The following AKT3 variants were observed in gnomAD, a reference collection of about 807,000 sequenced individuals.
The protein encoded by AKT3 is RAC-gamma serine/threonine-protein kinase.
AKT3 carries 15 observed loss-of-function variants against 65.3 expected under a neutral mutation model. That is an observed-to-expected ratio of 0.23 (90% CI 0.15 to 0.35). The LOEUF (loss-of-function observed/expected upper bound fraction) is 0.35. Ranked by LOEUF, AKT3 falls within the 10% of genes least tolerant of loss-of-function variation. The pLI is 1.00. For synonymous variants in AKT3, 206 were observed against 183.8 expected (o/e 1.12, Z -0.98); for missense variants, 243 against 576.5 (o/e 0.42, Z 5.92).
intron 13 of AKT3, among the ~76,000 whole-genome samples, chr1:243,489,704 C>A (rs1362732928): frequency 6.6e-6 from 1 of 152,182 alleles, no homozygotes; most frequent in Non-Finnish European, 1.5e-5. Context: ...GCAGGCGATG[C>A]TGACTTTATT....
intron 2 of AKT3, among the ~76,000 whole-genome samples, chr1:243,704,339 G>A (rs939151355): frequency 1.3e-5 from 2 of 152,034 alleles, no homozygotes; most frequent in African/African-American, 4.8e-5. Context: ...AGCCCTCATG[G>A]AGCTTTAATA....
chr1:243,539,665 G>A (rs896936767), intron 12 of AKT3, among the ~76,000 whole-genome samples: 2 of 152,114 alleles, frequency 1.3e-5, no homozygotes, highest in African/African-American at 2.4e-5. Context: ...AGAGAATTAA[G>A]CTAGGAATCA....
In AKT3 at chr1:243,505,162, A is replaced by C. The variant is rs1669585275; in HGVS notation, c.*87T>G. ...TGGGATGTCGGAAGGTGCCCCTGCT[A>C]TGTGTAAGAGCTAGGACTGGTGATG... On this transcript the variant is annotated 3_prime_UTR_variant, in exon 14 of 14. Coordinates refer to ENST00000673466, the MANE Select transcript of AKT3 (RefSeq NM_005465.7). 7.9e-7 allele frequency: 1 copy of C among 1,260,410 alleles called. No individual in the cohort carries two copies. Among genetic ancestry groups the C allele is most frequent in the Non-Finnish European group, 1.1e-6 (1 of 873,464 alleles). The allele number at this position is 1,260,410 out of a possible 1,614,324, so 78.1% of individuals were successfully genotyped here. A position where few individuals can be genotyped will look rare whatever the true frequency, so the allele number is the denominator to read the frequency against.
chr1:243,554,514 TA>T (rs1303733489), intron 10 of AKT3, among the ~76,000 whole-genome samples: 2 of 152,164 alleles, frequency 1.3e-5, no homozygotes, highest in Non-Finnish European at 2.9e-5. Flanking sequence ...AAAAATAACC[TA>T]AAAAAGCAGA....
At chr1:243,633,497 T>C (rs1180111612) in intron 6 of AKT3, among the ~76,000 whole-genome samples, 1 of 152,070 alleles carries the variant, frequency 6.6e-6, no homozygotes, top group Non-Finnish European at 1.5e-5. Context: ...ACACCAACAA[T>C]TGAAAGGAGT....
intron 2 of AKT3, among the ~76,000 whole-genome samples, chr1:243,795,006 T>C (rs550224889): frequency 2.6e-5 from 4 of 152,358 alleles, no homozygotes; most frequent in Non-Finnish European, 4.4e-5. Context: ...TTCACTATCA[T>C]TTAAGTGGGG....
At chr1:243,795,934 G>A (rs1001675227) in intron 2 of AKT3, among the ~76,000 whole-genome samples, 2 of 152,148 alleles carry the variant, frequency 1.3e-5, no homozygotes, top group African/African-American at 4.8e-5. Flanking sequence ...GAAAATCGTA[G>A]GGGTCCACCT....
intron 5 of AKT3, among the ~76,000 whole-genome samples, chr1:243,640,919 G>A (rs1162221791): frequency 6.6e-6 from 1 of 152,146 alleles, no homozygotes; most frequent in Admixed American, 6.5e-5. Context: ...GATCCTGGGT[G>A]TATCTGTGAG....
At chr1:243,650,537 T>A (rs1302583351) in intron 4 of AKT3, among the ~76,000 whole-genome samples, 1 of 152,224 alleles carries the variant, frequency 6.6e-6, no homozygotes, top group Non-Finnish European at 1.5e-5. Flanking sequence ...TTTATGGTTT[T>A]AGGTCTTACA....
At chr1:243,804,964 A>G (rs141730463) in intron 2 of AKT3, among the ~76,000 whole-genome samples, 5 of 152,094 alleles carry the variant, frequency 3.3e-5, no homozygotes, top group African/African-American at 9.7e-5. Flanking sequence ...TTTTGTTTGT[A>G]TTAACATTTT....
At chr1:243,662,280 A>C (rs1682414991) in intron 4 of AKT3, among the ~76,000 whole-genome samples, 1 of 152,100 alleles carries the variant, frequency 6.6e-6, no homozygotes, top group Non-Finnish European at 1.5e-5. Flanking sequence ...GGCACTATTC[A>C]CAATAGCAAA....
chr1:243,545,219 A>G (rs1378468022), intron 12 of AKT3, among the ~76,000 whole-genome samples: 1 of 152,190 alleles, frequency 6.6e-6, no homozygotes, highest in Admixed American at 6.6e-5. Flanking sequence ...AGAAAAATTA[A>G]CACTTGGTAT....
intron 2 of AKT3, among the ~76,000 whole-genome samples, chr1:243,715,449 C>T (rs975902716): frequency 2.0e-5 from 3 of 151,950 alleles, no homozygotes; most frequent in Non-Finnish European, 2.9e-5. Context: ...TATACTGGGC[C>T]GACTTTGGTT....
intron 10 of AKT3, among the ~76,000 whole-genome samples, chr1:243,561,203 C>T (rs966718685): frequency 2.0e-5 from 3 of 151,426 alleles, no homozygotes; most frequent in African/African-American, 7.3e-5. Context: ...AAATGTAATC[C>T]CTAGTTGAAA....
chr1:243,704,293 T>G (rs1685653929), intron 2 of AKT3, among the ~76,000 whole-genome samples: 1 of 152,176 alleles, frequency 6.6e-6, no homozygotes, highest in Non-Finnish European at 1.5e-5. Flanking sequence ...GTACAAGTAC[T>G]AAGAAGGCAG....
chr1:243,498,318 C>T (rs1668546807), downstream of AKT3, among the ~76,000 whole-genome samples: 2 of 152,216 alleles, frequency 1.3e-5, no homozygotes, highest in South Asian at 4.1e-4. Flanking sequence ...GGCTCTAGGG[C>T]ATAGTGCATG....
Position 243,504,967 on chromosome 1 carries a change from T to C in AKT3, c.*282A>G, listed in dbSNP as rs1451824096. ...TGGTGGGCTCATGACTTCCAAAGGT[T>C]GGAAAATTACTTCTTAAAGTTGCTA... On this transcript the variant is annotated 3_prime_UTR_variant, in exon 14 of 14. Transcript: ENST00000673466. 5.1e-6 allele frequency: 2 copies of C among 392,686 alleles called. No individual in the cohort carries two copies. The highest frequency in any genetic ancestry group is 9.1e-6 in the Non-Finnish European group (2 of 220,290). The allele number at this position is 392,686 out of a possible 1,614,324, so 24.3% of individuals were successfully genotyped here.
At chr1:243,562,403 T>C (rs1320266020) in intron 10 of AKT3, among the ~76,000 whole-genome samples, 1 of 152,224 alleles carries the variant, frequency 6.6e-6, no homozygotes, top group Non-Finnish European at 1.5e-5. Flanking sequence ...ATGATAGTTG[T>C]ACAACTCTGT....
chr1:243,661,621 T>C (rs1228842076), intron 4 of AKT3, among the ~76,000 whole-genome samples: 30 of 151,776 alleles, frequency 2.0e-4, no homozygotes, highest in Non-Finnish European at 3.8e-4. Context: ...AACCTAGGCA[T>C]TACCATTCAG....
Sources: gnomAD v4.1 joint callset for allele counts (sites outside exome capture counted in the v4.1 genomes callset) on GRCh38, gnomAD v4.1.1 for gene constraint, MANE v1.5 for transcripts, NCBI Gene and HGNC (gene_info 2026-07-23, HGNC 2026-07-21) for gene names.